Variants in SEC14L6 observed in about 807,000 individuals in gnomAD.
SEC14L6 encodes the protein SEC14-like protein 6.
SEC14L6 carries 40 observed loss-of-function variants against 54.1 expected under a neutral mutation model. The ratio of observed to expected loss-of-function variants is 0.74; its 90% CI spans 0.57 to 0.96. The LOEUF (loss-of-function observed/expected upper bound fraction) is 0.96. Ranked by LOEUF, SEC14L6 falls within the 40% of genes least tolerant of loss-of-function variation. SEC14L6 has a pLI of 0.00. For synonymous variants in SEC14L6, 171 were observed against 198.4 expected (o/e 0.86, Z 1.16); for missense variants, 471 against 498.3 (o/e 0.95, Z 0.52).
rs1252913706 is a variant in SEC14L6 at position 30,532,373 on chromosome 22, T to TG, written c.423+151dup. 3.4e-6 allele frequency: 3 copies of TG among 885,280 alleles called. No individual in the cohort carries two copies. In the African/African-American group the frequency reaches 5.4e-5, roughly 16 times the overall value. 54.8% of individuals were successfully genotyped at this position (885,280 alleles called of 1,614,324 possible). A position where few individuals can be genotyped will look rare whatever the true frequency, so the allele number is the denominator to read the frequency against. On this transcript the variant is annotated intron_variant, in intron 5 of 11. Coordinates refer to ENST00000402034, the MANE Select transcript of SEC14L6 (RefSeq NM_001193336.4). ...CAGCCACATACTGTGTGGCCTTGGG[T>TG]GGGTCCTTGGCCTCTCTGAACCTGC...
At chr22:30,542,268 C>T (rs543002561) in intron 1 of SEC14L6, among the ~76,000 whole-genome samples, 2 of 152,286 alleles carry the variant, frequency 1.3e-5, no homozygotes, top group South Asian at 4.1e-4. Context: ...CTCAGAGGCA[C>T]GACCTCTTGG....
chr22:30,529,134 T>C lies in SEC14L6; in HGVS notation c.617A>G (p.Lys206Arg). The C allele has an allele frequency of 2.6e-6, 4 of 1,550,718 alleles. No homozygotes were observed. The highest frequency in any genetic ancestry group is 3.5e-6 in the Non-Finnish European group (4 of 1,147,090). The change falls in exon 8 of 12, where the codon AAG becomes AGG. Residue 206 changes from lysine to arginine, a missense_variant. Lys to Arg is a conservative substitution (Grantham distance 26). Coordinates refer to ENST00000402034, the MANE Select transcript of SEC14L6 (RefSeq NM_001193336.4). ...KLFAVAFNLV[K>R]SYMSEETRRK... ...GCGTGTCTCTTCACTCATGTAAGAC[T>C]TGACCAGGTTGAAGGCTACGGCGAA... is the stretch of plus-strand genomic sequence containing the variant.
chr22:30,543,588 G>T, intron 1 of SEC14L6: 1 of 1,613,620 alleles, frequency 6.2e-7, no homozygotes, highest in South Asian at 1.1e-5. Flanking sequence ...GGCAGTCAGC[G>T]GTCAGCAAAA....
Position 30,523,970 on chromosome 22 carries a change from C to T in SEC14L6, c.*1027G>A, listed in dbSNP as rs916204138. 6.6e-6 allele frequency: 1 copy of T among 152,230 alleles called. No homozygotes were observed. Among genetic ancestry groups the T allele is most frequent in the African/African-American group, 2.4e-5 (1 of 41,456 alleles). 9.4% of individuals were successfully genotyped at this position (152,230 alleles called of 1,614,324 possible). A position where few individuals can be genotyped will look rare whatever the true frequency, so the allele number is the denominator to read the frequency against. On this transcript the variant is annotated 3_prime_UTR_variant, in exon 12 of 12. Coordinates refer to ENST00000402034, the MANE Select transcript of SEC14L6 (RefSeq NM_001193336.4). Reference sequence around the variant, plus strand: ...AATGCACTTTTCGAATGCAAACCAACTGATATAAACCATATTCCAACTACC... The same window carrying T: ...AATGCACTTTTCGAATGCAAACCAATTGATATAAACCATATTCCAACTACC...
rs1343819812 is a variant in SEC14L6, at chr22:30,524,371, A to G, written c.*626T>C. On this transcript the variant is annotated 3_prime_UTR_variant, in exon 12 of 12. Coordinates refer to ENST00000402034, the MANE Select transcript of SEC14L6 (RefSeq NM_001193336.4). ...ATACTATATTTCAAATTTCCTATTA[A>G]TACTATTTTATTTTATTTTTTTGAG... 6.6e-6 allele frequency: 1 copy of G among 151,962 alleles called. No individual in the cohort carries two copies. The highest frequency in any genetic ancestry group is 2.4e-5 in the African/African-American group (1 of 41,358). The allele number at this position is 151,962 out of a possible 1,614,324, so 9.4% of individuals were successfully genotyped here.
rs778868923 is a variant in SEC14L6 at position 30,525,626 on chromosome 22, G to A, written c.896C>T (p.Pro299Leu). Residue 299 changes from proline to leucine, a missense_variant, in exon 10 of 12, where the codon CCG (proline) becomes CTG (leucine). Transcript: ENST00000402034. ...SLQVENEILF[P>L]GCVLRWQFAS... is the part of the protein sequence containing the mutation. ...CCATCCCTACCTGAGCACACAGCCC[G>A]GGAACAGGATCTCGTTCTCCACCTG... 29 of 1,608,518 alleles carry A rather than the reference G, an allele frequency of 1.8e-5. No homozygotes were observed. Among genetic ancestry groups the A allele is most frequent in the African/African-American group, 1.3e-4 (10 of 74,670 alleles).
chr22:30,525,677 C>G lies in SEC14L6; in HGVS notation c.845G>C (p.Arg282Thr). ...KQVRLQYEHT[R>T]SVGRGSSLQV... ...CAGGGAGGAGCCGCGGCCCACGGACCTCGTGTGCTCATACTGCAGCCTCAC... is the reference window on the plus strand; with the variant it reads ...CAGGGAGGAGCCGCGGCCCACGGACGTCGTGTGCTCATACTGCAGCCTCAC... Residue 282 changes from arginine (R) to threonine (T), a missense_variant, in exon 10 of 12, where the codon AGG (arginine) becomes ACG (threonine). Coordinates refer to ENST00000402034, the MANE Select transcript of SEC14L6 (RefSeq NM_001193336.4). 6.2e-7 allele frequency: 1 copy of G among 1,613,202 alleles called. No homozygotes were observed.
intron 8 of SEC14L6, among the ~76,000 whole-genome samples, chr22:30,528,280 C>G (rs562209881): frequency 1.7e-4 from 26 of 151,748 alleles, no homozygotes; most frequent in South Asian, 4.2e-4. Flanking sequence ...TGCCACCACG[C>G]CCGGCTAATT....
At chr22:30,543,185 C>T in intron 1 of SEC14L6, 1 of 1,603,358 alleles carries the variant, frequency 6.2e-7, no homozygotes, top group Non-Finnish European at 8.5e-7. Context: ...GAGAGCGTGT[C>T]CTACAGCATC....
intron 2 of SEC14L6, 67 bp downstream of exon 2, chr22:30,538,760 A>T: frequency 9.3e-7 from 1 of 1,071,072 alleles, no homozygotes. Context: ...TGATACACTC[A>T]ATAGATACCA....
chr22:30,539,956 C>T (rs938780531), intron 1 of SEC14L6, among the ~76,000 whole-genome samples: 3 of 152,202 alleles, frequency 2.0e-5, no homozygotes, highest in African/African-American at 7.2e-5. Context: ...GCCTCCAACA[C>T]TGATGAATAT....
At chr22:30,526,658 A>C (rs1402516198) in intron 8 of SEC14L6, among the ~76,000 whole-genome samples, 1 of 151,810 alleles carries the variant, frequency 6.6e-6, no homozygotes, top group African/African-American at 2.4e-5. Flanking sequence ...TGAGCCCGGG[A>C]GGCAGAGGCT....
At chr22:30,534,407 A>C (rs976048255) in intron 2 of SEC14L6, among the ~76,000 whole-genome samples, 2 of 124,852 alleles carry the variant, frequency 1.6e-5, no homozygotes, top group African/African-American at 6.6e-5. Context: ...ATTTTTACTT[A>C]AAAAAAATTT....
At chr22:30,543,971 T>C in intron 1 of SEC14L6, 2 of 1,604,772 alleles carry the variant, frequency 1.2e-6, no homozygotes, top group Non-Finnish European at 1.7e-6. Context: ...GAGGACACCC[T>C]CACCTATGCT....
intron 1 of SEC14L6, chr22:30,543,576 C>T (rs1014479733): frequency 1.4e-5 from 22 of 1,613,662 alleles, no homozygotes; most frequent in Middle Eastern, 1.7e-4. Flanking sequence ...TGGAGCATGA[C>T]GGGCAGTCAG....
intron 11 of SEC14L6, 40 bp downstream of exon 11, chr22:30,525,309 AG>A (rs770663756): frequency 6.2e-7 from 1 of 1,600,924 alleles, no homozygotes; most frequent in East Asian, 2.3e-5. Flanking sequence ...CCCTCCCCCT[AG>A]CCCCCAGCTC....
At chr22:30,535,043 A>AAG (rs1038862666) in intron 2 of SEC14L6, among the ~76,000 whole-genome samples, 5 of 151,648 alleles carry the variant, frequency 3.3e-5, no homozygotes, top group Admixed American at 6.6e-5. Context: ...AAAAGAAAAA[A>AAG]AAAAGAAAAG....
In SEC14L6 at chr22:30,532,619, C is replaced by G. The variant is rs943833702; in HGVS notation, c.329G>C (p.Gly110Ala). The G allele has an allele frequency of 5.8e-6, 9 of 1,550,576 alleles. No individual in the cohort carries two copies. The highest frequency in any genetic ancestry group is 7.0e-6 in the Non-Finnish European group (8 of 1,147,016). Reference protein sequence around the residue: ...YHIVGSLDPKGLLLSASKQEL... With the variant: ...YHIVGSLDPKALLLSASKQEL... ...CTGTTTGGAGGCTGAGAGCAAGAGG[C>G]CTTTGGGGTCCAGGCTTCCCACAAT... The change falls in exon 5 of 12, where the codon GGC becomes GCC. Residue 110 changes from glycine (G) to alanine (A), a missense_variant. By Grantham distance (60) the Gly-to-Ala change is moderately conservative. Coordinates refer to ENST00000402034, the MANE Select transcript of SEC14L6 (RefSeq NM_001193336.4).
In SEC14L6 at chr22:30,529,318, T is replaced by G. The variant is rs1053610053; in HGVS notation, c.551A>C (p.Glu184Ala). The G allele has an allele frequency of 6.4e-7, 1 of 1,550,390 alleles. No homozygotes were observed. The highest frequency in any genetic ancestry group is 1.4e-5 in the African/African-American group (1 of 72,994). Residue 184 changes from glutamate to alanine, a missense_variant, in exon 7 of 12, where the codon GAG (glutamate) becomes GCG (alanine). Transcript: ENST00000402034. Reference protein sequence around the residue: ...FFSALEANYPEILKSLIVVRA... With the variant: ...FFSALEANYPAILKSLIVVRA... The stretch of plus-strand genomic sequence containing the variant: ...CACAACAATTAAACTCTTCAAGATC[T>G]CAGGGTAATTTGCTTCAAGTGCTGA...
Sources: allele counts gnomAD v4.1 joint callset (sites outside exome capture counted in the v4.1 genomes callset), GRCh38; gene constraint gnomAD v4.1.1; transcripts MANE v1.5; gene names NCBI Gene and HGNC (gene_info 2026-07-23, HGNC 2026-07-21).